The following SUPT3H variants were observed in gnomAD, a reference collection of about 807,000 sequenced individuals.
The protein encoded by SUPT3H is SPT3 homolog, SAGA and STAGA complex component.
Under a neutral mutation model 44.3 loss-of-function variants are expected in SUPT3H, and 44 were observed. The ratio of observed to expected loss-of-function variants is 0.99; its 90% CI spans 0.78 to 1.28. The LOEUF (loss-of-function observed/expected upper bound fraction) is 1.28, where lower values mean the gene tolerates loss of function less well. Ranked by LOEUF, SUPT3H falls within the 50% of genes most tolerant of loss-of-function variation. SUPT3H has a pLI of 0.00. For missense variants in SUPT3H, 380 were observed against 387.1 expected (o/e 0.98, Z 0.15); for synonymous variants, 124 against 125.6 (o/e 0.99, Z 0.09).
At chr6:45,235,192 A>C (rs1768859522) in intron 2 of SUPT3H, among the ~76,000 whole-genome samples, 1 of 152,164 alleles carries the variant, frequency 6.6e-6, no homozygotes, top group African/African-American at 2.4e-5. Flanking sequence ...TTTCCAATGA[A>C]TTTTTCTGCA....
intron 10 of SUPT3H, among the ~76,000 whole-genome samples, chr6:44,905,684 G>T (rs1224858264): frequency 6.6e-6 from 1 of 152,072 alleles, no homozygotes; most frequent in Non-Finnish European, 1.5e-5. Flanking sequence ...ATACCCAAAG[G>T]ATTATAAATC....
At chr6:45,058,944 C>T (rs1193750912) in intron 3 of SUPT3H, among the ~76,000 whole-genome samples, 6 of 152,054 alleles carry the variant, frequency 3.9e-5, no homozygotes, top group South Asian at 2.1e-4. Flanking sequence ...TAGGTCTGAT[C>T]GCTCTCTTGG....
At chr6:45,203,249 A>T (rs925709554) in intron 2 of SUPT3H, among the ~76,000 whole-genome samples, 3 of 152,216 alleles carry the variant, frequency 2.0e-5, no homozygotes, top group African/African-American at 7.2e-5. Context: ...AAGGAGGTGC[A>T]GTCCATAAAG....
intron 2 of SUPT3H, among the ~76,000 whole-genome samples, chr6:45,180,264 A>C (rs1033071094): frequency 6.9e-6 from 1 of 145,610 alleles, no homozygotes; most frequent in Non-Finnish European, 1.5e-5. Context: ...GGTAGGAAGA[A>C]TCAATATCGT....
chr6:45,149,850 G>A (rs751965194), intron 2 of SUPT3H, among the ~76,000 whole-genome samples: 4 of 152,100 alleles, frequency 2.6e-5, no homozygotes, highest in South Asian at 4.1e-4. Flanking sequence ...CTTATTCAGC[G>A]ATACTGAGTG....
intron 2 of SUPT3H, among the ~76,000 whole-genome samples, chr6:45,248,695 T>G (rs1264820347): frequency 6.6e-6 from 1 of 152,082 alleles, no homozygotes; most frequent in East Asian, 1.9e-4. Context: ...GGTGGATAGA[T>G]CACGAGGTCA....
intron 3 of SUPT3H, among the ~76,000 whole-genome samples, chr6:45,037,521 A>C (rs980987280): frequency 6.6e-5 from 10 of 151,110 alleles, no homozygotes; most frequent in African/African-American, 2.4e-4. Flanking sequence ...AAAGTTAGCC[A>C]GGTGTTGTGA....
At chr6:45,029,790 G>T (rs1786634309) in intron 3 of SUPT3H, among the ~76,000 whole-genome samples, 1 of 152,012 alleles carries the variant, frequency 6.6e-6, no homozygotes, top group African/African-American at 2.4e-5. Flanking sequence ...TAAGAGACAG[G>T]GTCTTGCTCT....
At chr6:44,919,930 G>T (rs1768399768) in intron 10 of SUPT3H, among the ~76,000 whole-genome samples, 1 of 152,002 alleles carries the variant, frequency 6.6e-6, no homozygotes, top group South Asian at 2.1e-4. Flanking sequence ...CCAGGGTGGA[G>T]TGCAGTGGCG....
intron 2 of SUPT3H, among the ~76,000 whole-genome samples, chr6:45,107,264 C>A (rs906151852): frequency 6.6e-6 from 1 of 152,134 alleles, no homozygotes; most frequent in Non-Finnish European, 1.5e-5. Flanking sequence ...GAGTACTGAA[C>A]CTTCAAAATT....
intron 1 of SUPT3H, among the ~76,000 whole-genome samples, chr6:45,371,410 T>TC (rs1041248486): frequency 2.0e-5 from 3 of 151,180 alleles, no homozygotes; most frequent in Non-Finnish European, 4.4e-5. Flanking sequence ...TTTTTTTTTT[T>TC]CACAATTACC....
chr6:44,980,451 G>C (rs995383277), intron 6 of SUPT3H, among the ~76,000 whole-genome samples: 1 of 152,174 alleles, frequency 6.6e-6, no homozygotes, highest in Non-Finnish European at 1.5e-5. Flanking sequence ...ATTGTACTAA[G>C]GATTCCCATA....
intron 2 of SUPT3H, among the ~76,000 whole-genome samples, chr6:45,153,101 T>C (rs981105594): frequency 6.6e-6 from 1 of 152,162 alleles, no homozygotes; most frequent in Non-Finnish European, 1.5e-5. Context: ...ATATCACCTT[T>C]CAGATTGGCC....
chr6:45,324,035 G>C (rs1425309226), intron 2 of SUPT3H, among the ~76,000 whole-genome samples: 1 of 152,012 alleles, frequency 6.6e-6, no homozygotes, highest in Non-Finnish European at 1.5e-5. Flanking sequence ...GTGGGTAGTA[G>C]TTTCCTGCTT....
intron 2 of SUPT3H, among the ~76,000 whole-genome samples, chr6:45,206,079 G>A (rs1036467567): frequency 6.6e-6 from 1 of 152,162 alleles, no homozygotes; most frequent in Non-Finnish European, 1.5e-5. Context: ...TATGCAGTAT[G>A]TAAGACTCAT....
At chr6:44,889,964 C>A (rs938275505) in intron 10 of SUPT3H, among the ~76,000 whole-genome samples, 3 of 151,300 alleles carry the variant, frequency 2.0e-5, no homozygotes, top group Non-Finnish European at 4.4e-5. Flanking sequence ...TGAACAGACA[C>A]TTCTCAAAAG....
chr6:44,973,690 C>T (rs1777915331), intron 6 of SUPT3H, among the ~76,000 whole-genome samples: 1 of 152,074 alleles, frequency 6.6e-6, no homozygotes, highest in African/African-American at 2.4e-5. Flanking sequence ...AAAGACATAC[C>T]AGAGATTGGG....
At chr6:45,243,036 A>G (rs536484378) in intron 2 of SUPT3H, among the ~76,000 whole-genome samples, 190 of 152,182 alleles carry the variant, frequency 1.2e-3, no homozygotes, top group South Asian at 3.1e-3. Flanking sequence ...TCTACTAAAA[A>G]TACAAAAATT....
chr6:45,105,925 A>G lies in SUPT3H; in HGVS notation c.183T>C (p.Asn61=). Residue 61 remains asparagine (N), a synonymous_variant, in exon 3 of 11, where the codon AAT becomes AAC. Coordinates refer to ENST00000371459, the MANE Select transcript of SUPT3H (RefSeq NM_003599.4). Reference sequence around the variant, plus strand: ...ATCAAATTATATATGCTCTTACCAGATTAATTAACTGAGTGTGTACCACAT... The same window carrying G: ...ATCAAATTATATATGCTCTTACCAGGTTAATTAACTGAGTGTGTACCACAT... ...VEDVVHTQLI[N]LLQQAAEVSQ... The G allele has an allele frequency of 6.2e-7, 1 of 1,612,284 alleles. No individual in the cohort carries two copies. The highest frequency in any genetic ancestry group is 1.1e-5 in the South Asian group (1 of 91,052).
Sources: gnomAD v4.1 joint callset for allele counts (sites outside exome capture counted in the v4.1 genomes callset) on GRCh38, gnomAD v4.1.1 for gene constraint, MANE v1.5 for transcripts, NCBI Gene and HGNC (gene_info 2026-07-23, HGNC 2026-07-21) for gene names.